Variants in ENO4 observed in about 807,000 individuals in gnomAD.
ENO4 encodes enolase 4.
Under a neutral mutation model 63.2 loss-of-function variants are expected in ENO4, and 53 were observed. The observed-to-expected ratio is 0.84, with a 90% CI of 0.67 to 1.05. ENO4 has a LOEUF of 1.05. ENO4 is among the 50% of genes least tolerant of loss of function. The pLI, the probability that ENO4 is intolerant of heterozygous loss-of-function variation, is 0.00. For synonymous variants in ENO4, 266 were observed against 283.8 expected (o/e 0.94, Z 0.63); for missense variants, 719 against 772.0 (o/e 0.93, Z 0.81).
Position 116,911,709 on chromosome 10 carries a change from A to G in ENO4, c.*137A>G, listed in dbSNP as rs982884567. On this transcript the variant is annotated 3_prime_UTR_variant, in exon 11 of 11. Coordinates refer to the ENO4 transcript ENST00000369207. ...TAAATGGGAATAAAACACACCACAA[A>G]CAATTCACAAAAAACAGATTTTAAA... is the stretch of plus-strand genomic sequence containing the variant. 9 of 1,581,154 alleles carry G rather than the reference A, an allele frequency of 5.7e-6. No homozygotes were observed. The East Asian group carries it at 1.3e-4, about 24-fold the overall frequency.
chr10:116,889,299 A>AT (rs1428485536), intron 10 of ENO4, among the ~76,000 whole-genome samples: 1 of 152,196 alleles, frequency 6.6e-6, no homozygotes, highest in African/African-American at 2.4e-5. Flanking sequence ...TCAGGCTGAA[A>AT]TTGTCCTGGA....
intron 10 of ENO4, among the ~76,000 whole-genome samples, chr10:116,875,561 T>TCACACACACACACACACACA (rs56000218): frequency 0.01 from 1,526 of 147,988 alleles, 24 homozygotes; most frequent in African/African-American, 0.032. Context: ...TCCAGGCTGG[T>TCACACACACACACACACACA]CACACACACA....
At chr10:116,868,456 AAT>A (rs1361197786) in intron 7 of ENO4, 192 bp from the exon 8 acceptor site, 2 of 697,888 alleles carry the variant, frequency 2.9e-6, no homozygotes, top group Non-Finnish European at 5.3e-6. Context: ...GAATTTGAGA[AAT>A]AGTTTGTGGC....
rs1213563588 is a variant in ENO4, at chr10:116,855,700, G to A, written c.243G>A (p.Gly81=). The part of the protein sequence containing the change: ...IVGKDVLDGL[G]LPTLQVDIFC... The stretch of plus-strand genomic sequence containing the variant: ...GGAAAGACGTACTAGATGGACTGGG[G>A]CTTCCAACCCTGCAAGTGGACATAT... Residue 81 remains glycine (G), a synonymous_variant, in exon 2 of 14, where the codon GGG becomes GGA. Transcript: ENST00000341276. The A allele has an allele frequency of 1.3e-6, 2 of 1,536,422 alleles. No individual in the cohort carries two copies. Among genetic ancestry groups the A allele is most frequent in the Admixed American group, 3.9e-5 (2 of 50,966 alleles).
At chr10:116,860,516 A>G (rs1846381400) in intron 4 of ENO4, among the ~76,000 whole-genome samples, 1 of 152,322 alleles carries the variant, frequency 6.6e-6, no homozygotes, top group East Asian at 1.9e-4. Context: ...TCTAAGCCCC[A>G]GTTTATGTAT....
intron 8 of ENO4, 32 bp from the exon 9 acceptor site, chr10:116,871,093 T>C (rs930697263): frequency 1.7e-5 from 27 of 1,547,244 alleles, no homozygotes; most frequent in Non-Finnish European, 2.2e-5. Context: ...ATGTGCTGTA[T>C]TGACATGGAT....
intron 10 of ENO4, chr10:116,901,511 G>T (rs1847735203): frequency 1.0e-6 from 1 of 985,222 alleles, no homozygotes. Flanking sequence ...TCAATTATTT[G>T]TGTAGAAGAA....
Position 116,882,281 on chromosome 10 carries a change from T to G in ENO4, c.*612T>G, listed in dbSNP as rs1414119339. 6.6e-6 allele frequency: 1 copy of G among 152,100 alleles called. No individual in the cohort carries two copies. The highest frequency in any genetic ancestry group is 1.5e-5 in the Non-Finnish European group (1 of 68,034). 9.4% of individuals were successfully genotyped at this position (152,100 alleles called of 1,614,324 possible). A position where few individuals can be genotyped will look rare whatever the true frequency, so the allele number is the denominator to read the frequency against. On this transcript the variant is annotated 3_prime_UTR_variant, in exon 14 of 14. Transcript: ENST00000341276. ...TCTTTGCGAGTCTTCTTAGATCCTT[T>G]TTGGAGTAAGAATGAGTATAAATGA...
At chr10:116,888,256 G>A (rs1409382918) in intron 10 of ENO4, among the ~76,000 whole-genome samples, 2 of 152,200 alleles carry the variant, frequency 1.3e-5, no homozygotes, top group Admixed American at 6.5e-5. Flanking sequence ...GACATCTGCC[G>A]CTATGCTTTG....
chr10:116,858,973 A>G lies in ENO4; in HGVS notation c.486-17A>G. Reference sequence around the variant, plus strand: ...CCTAAATATCCCACTGTAAAGCCATATTTTCTTGCTATTAAGGATATTCTT... The same window carrying G: ...CCTAAATATCCCACTGTAAAGCCATGTTTTCTTGCTATTAAGGATATTCTT... On this transcript the variant is annotated splice_polypyrimidine_tract_variant and intron_variant, in intron 3 of 13. Coordinates refer to ENST00000341276, the MANE Select transcript of ENO4 (RefSeq NM_001242699.2). 6.6e-7 allele frequency: 1 copy of G among 1,510,080 alleles called. No individual in the cohort carries two copies. Among genetic ancestry groups the G allele is most frequent in the Non-Finnish European group, 8.9e-7 (1 of 1,125,080 alleles). The allele number at this position is 1,510,080 out of a possible 1,614,324, so 93.5% of individuals were successfully genotyped here. A position where few individuals can be genotyped will look rare whatever the true frequency, so the allele number is the denominator to read the frequency against.
intron 7 of ENO4, among the ~76,000 whole-genome samples, chr10:116,865,266 C>T (rs1290703585): frequency 1.3e-5 from 2 of 152,086 alleles, no homozygotes; most frequent in South Asian, 2.1e-4. Context: ...CGGCTCACTG[C>T]AACCTCTGCT....
intron 1 of ENO4, among the ~76,000 whole-genome samples, chr10:116,855,341 G>A (rs1408981881): frequency 6.6e-6 from 1 of 152,052 alleles, no homozygotes; most frequent in Non-Finnish European, 1.5e-5. Flanking sequence ...ATTAAGAAAC[G>A]TATGCAAGTT....
chr10:116,872,380 G>A (rs1019509914), intron 9 of ENO4, among the ~76,000 whole-genome samples: 1 of 152,124 alleles, frequency 6.6e-6, no homozygotes, highest in Non-Finnish European at 1.5e-5. Context: ...TAGCTCCCAT[G>A]ATTCCCATGT....
intron 13 of ENO4, among the ~76,000 whole-genome samples, chr10:116,880,328 A>G (rs1005180991): frequency 2.7e-4 from 41 of 152,352 alleles, no homozygotes; most frequent in African/African-American, 9.1e-4. Context: ...AAAGGCAGAC[A>G]CTTTCCTGAG....
chr10:116,855,935 T>C (rs2133247634), intron 2 of ENO4, among the ~76,000 whole-genome samples, 184 bp downstream of exon 2: 1 of 152,274 alleles, frequency 6.6e-6, no homozygotes, highest in South Asian at 2.1e-4. Context: ...TTAAGTGTAA[T>C]TTTGATACAG....
At chr10:116,884,726 A>G (rs1484486982), downstream of ENO4, 1 of 155,074 alleles carries the variant, frequency 6.4e-6, no homozygotes, top group Admixed American at 6.2e-5. Context: ...ATCATATACA[A>G]TTTTCTATTA....
chr10:116,891,739 C>T (rs2133304251), intron 10 of ENO4, among the ~76,000 whole-genome samples: 1 of 151,978 alleles, frequency 6.6e-6, no homozygotes, highest in East Asian at 1.9e-4. Flanking sequence ...TCCAAAACTT[C>T]ACAAATTTTT....
At chr10:116,881,031 A>C (rs1051329385) in intron 13 of ENO4, among the ~76,000 whole-genome samples, 59 of 152,208 alleles carry the variant, frequency 3.9e-4, no homozygotes, top group African/African-American at 1.4e-3. Context: ...TAAAGGGACC[A>C]AAAACTGGAA....
At chr10:116,911,598 C>T (rs1848199412) in exon 11 of ENO4, 1 of 1,551,284 alleles carries the variant, frequency 6.4e-7, no homozygotes, top group East Asian at 2.4e-5. Context: ...AAAAACAGCA[C>T]AGTGTTATTT....
Sources: allele counts gnomAD v4.1 joint callset (sites outside exome capture counted in the v4.1 genomes callset), GRCh38; gene constraint gnomAD v4.1.1; transcripts MANE v1.5; gene names NCBI Gene and HGNC (gene_info 2026-07-23, HGNC 2026-07-21).